UTS2: variants seen among roughly 807,000 people sequenced by gnomAD.
UTS2 encodes the protein urotensin 2.
UTS2 carries 10 observed loss-of-function variants against 12.6 expected under a neutral mutation model. The ratio of observed to expected loss-of-function variants is 0.80; its 90% CI spans 0.49 to 1.35. UTS2 has a LOEUF of 1.35. Among genes scored for constraint, UTS2 ranks in the 40% most tolerant of loss-of-function variants. UTS2 has a pLI of 0.00. For synonymous variants in UTS2, 52 were observed against 50.0 expected (o/e 1.04, Z -0.17); for missense variants, 142 against 143.2 (o/e 0.99, Z 0.04).
chr1:7,872,297 C>G, the UTS2 span, among the ~76,000 whole-genome samples: 1 of 16,310 alleles, frequency 6.1e-5, no homozygotes, highest in Non-Finnish European at 9.1e-5. Context: ...GAGACTCTGT[C>G]TCAAAAAAAA....
At chr1:7,907,238 G>A in the UTS2 span, among the ~76,000 whole-genome samples, 21 of 151,672 alleles carry the variant, frequency 1.4e-4, no homozygotes, top group South Asian at 8.3e-4. Flanking sequence ...CCTGGGTGAC[G>A]AGAGACTGTC....
chr1:7,853,648 A>T (rs115194674), upstream of UTS2: 422 of 507,962 alleles, frequency 8.3e-4, 1 homozygote, highest in Non-Finnish European at 1.1e-3. Context: ...ATCTTCAGAG[A>T]AAGGAAATAA....
chr1:7,859,283 T>C, the UTS2 span, among the ~76,000 whole-genome samples: 21 of 152,344 alleles, frequency 1.4e-4, no homozygotes, highest in African/African-American at 4.3e-4. Flanking sequence ...TTTAATCTAA[T>C]CTACATGAAT....
At chr1:7,903,390 TTA>T in the UTS2 span, among the ~76,000 whole-genome samples, 1 of 149,096 alleles carries the variant, frequency 6.7e-6, no homozygotes, top group African/African-American at 2.5e-5. Flanking sequence ...AATTAATTAA[TTA>T]ATTTATTTAT....
At chr1:7,886,110 G>A in the UTS2 span, among the ~76,000 whole-genome samples, 2 of 135,418 alleles carry the variant, frequency 1.5e-5, no homozygotes, top group Non-Finnish European at 3.4e-5. Context: ...GCCCTACCCG[G>A]TAGCAGGACT....
the UTS2 span, among the ~76,000 whole-genome samples, chr1:7,884,807 C>T: frequency 6.6e-6 from 1 of 151,888 alleles, no homozygotes; most frequent in Admixed American, 6.6e-5. Flanking sequence ...CCCACCCATC[C>T]ATTTACCCAT....
upstream of UTS2, among the ~76,000 whole-genome samples, chr1:7,857,511 G>A (rs1328868951): frequency 1.5e-4 from 23 of 151,990 alleles, no homozygotes; most frequent in Admixed American, 1.5e-3. Context: ...GGCAAGCACT[G>A]GTGGTGTCAT....
the UTS2 span, among the ~76,000 whole-genome samples, chr1:7,890,844 CAAAAA>C: frequency 1.8e-5 from 2 of 112,240 alleles, no homozygotes; most frequent in Non-Finnish European, 3.7e-5. Context: ...AAGACTGTCT[CAAAAA>C]AAAAAAAAAA....
the UTS2 span, among the ~76,000 whole-genome samples, chr1:7,863,123 G>GTATTT: frequency 1.3e-5 from 2 of 149,554 alleles, no homozygotes; most frequent in Admixed American, 1.3e-4. Flanking sequence ...GTATTGTATT[G>GTATTT]TATTTGAGAC....
chr1:7,855,051 C>G (rs1638279044), upstream of UTS2, among the ~76,000 whole-genome samples: 1 of 151,748 alleles, frequency 6.6e-6, no homozygotes, highest in South Asian at 2.1e-4. Flanking sequence ...GTCCCAGCTA[C>G]TTGGGAGGCT....
the UTS2 span, among the ~76,000 whole-genome samples, chr1:7,890,972 C>CT: frequency 6.6e-6 from 1 of 151,198 alleles, no homozygotes; most frequent in African/African-American, 2.4e-5. Context: ...CCTCCACCCC[C>CT]CCCCACAAAA....
chr1:7,882,486 C>T, the UTS2 span, among the ~76,000 whole-genome samples: 6 of 152,094 alleles, frequency 3.9e-5, no homozygotes, highest in East Asian at 1.2e-3. Context: ...AGGGGAAATG[C>T]TTCAGGACAT....
the UTS2 span, among the ~76,000 whole-genome samples, chr1:7,898,213 G>A: frequency 1.3e-5 from 2 of 152,042 alleles, no homozygotes; most frequent in African/African-American, 2.4e-5. Flanking sequence ...TATAAGTGGC[G>A]ATTGTTTTGT....
the UTS2 span, among the ~76,000 whole-genome samples, chr1:7,869,158 C>A: frequency 6.6e-6 from 1 of 152,172 alleles, no homozygotes; most frequent in Admixed American, 6.5e-5. Flanking sequence ...AGAGGCTGCC[C>A]AAGGTGGAGA....
At chr1:7,896,816 C>T in the UTS2 span, among the ~76,000 whole-genome samples, 2 of 152,006 alleles carry the variant, frequency 1.3e-5, no homozygotes, top group Non-Finnish European at 2.9e-5. Context: ...CTGCCTCAGC[C>T]TCCCCAGTAG....
At chr1:7,883,913 C>G in the UTS2 span, among the ~76,000 whole-genome samples, 2 of 151,820 alleles carry the variant, frequency 1.3e-5, no homozygotes, top group East Asian at 3.9e-4. Flanking sequence ...CACCCCGGTT[C>G]AAGTGATTCT....
chr1:7,885,861 G>C, the UTS2 span, among the ~76,000 whole-genome samples: 1 of 139,878 alleles, frequency 7.1e-6, no homozygotes, highest in Non-Finnish European at 1.6e-5. Flanking sequence ...GAGAGGCAAG[G>C]AGGGGCTTAT....
At chr1:7,885,686 G>A in the UTS2 span, among the ~76,000 whole-genome samples, 337 of 152,104 alleles carry the variant, frequency 2.2e-3, 1 homozygote, top group Middle Eastern at 0.017. Context: ...GCATGGCATG[G>A]GCCAGAGGGG....
At chr1:7,872,299 C>CAAAAAAAAAAAAA in the UTS2 span, among the ~76,000 whole-genome samples, 23 of 65,880 alleles carry the variant, frequency 3.5e-4, no homozygotes, top group Admixed American at 5.4e-4. Context: ...GACTCTGTCT[C>CAAAAAAAAAAAAA]AAAAAAAAAA....
Sources: gnomAD v4.1 joint callset for allele counts (sites outside exome capture counted in the v4.1 genomes callset) on GRCh38, gnomAD v4.1.1 for gene constraint, MANE v1.5 for transcripts, NCBI Gene and HGNC (gene_info 2026-07-23, HGNC 2026-07-21) for gene names.